RBMS3: variants seen among roughly 807,000 people sequenced by gnomAD.
The protein encoded by RBMS3 is RNA binding motif single stranded interacting protein 3, also known as RNA-binding motif, single-stranded-interacting protein 3.
RBMS3 carries 27 observed loss-of-function variants against 66.8 expected under a neutral mutation model. The ratio of observed to expected loss-of-function variants is 0.40; its 90% CI spans 0.30 to 0.56. The LOEUF (loss-of-function observed/expected upper bound fraction) is 0.56, where lower values mean the gene tolerates loss of function less well. Among genes scored for constraint, RBMS3 ranks in the 20% least tolerant of loss-of-function variants. The pLI, the probability that RBMS3 is intolerant of heterozygous loss-of-function variation, is 0.40. For synonymous variants in RBMS3, 188 were observed against 183.0 expected, an observed-to-expected ratio of 1.03 and a Z score of -0.22; for missense variants, 513 against 549.5, an observed-to-expected ratio of 0.93 and a Z score of 0.66.
chr3:29,477,918 ACGATGCCTG>A (rs2043006725), intron 2 of RBMS3, among the ~76,000 whole-genome samples: 1 of 152,088 alleles, frequency 6.6e-6, no homozygotes, highest in African/African-American at 2.4e-5. Flanking sequence ...GGAATGCACC[ACGATGCCTG>A]GTTAAGTTTT....
intron 4 of RBMS3, among the ~76,000 whole-genome samples, chr3:29,656,924 T>G (rs972528088): frequency 1.7e-4 from 26 of 152,242 alleles, no homozygotes; most frequent in African/African-American, 6.3e-4. Context: ...TTTCATATAA[T>G]GATTCAGGAA....
chr3:29,817,126 C>T (rs889168903), intron 6 of RBMS3, among the ~76,000 whole-genome samples: 1 of 151,570 alleles, frequency 6.6e-6, no homozygotes, highest in African/African-American at 2.4e-5. Flanking sequence ...ATATAAAATG[C>T]CTCTAATTAG....
intron 6 of RBMS3, among the ~76,000 whole-genome samples, chr3:29,813,994 CT>C (rs994554699): frequency 1.9e-4 from 29 of 152,040 alleles, no homozygotes; most frequent in African/African-American, 6.8e-4. Flanking sequence ...CCTAATTGCC[CT>C]GGCCAGAACT....
chr3:29,796,712 C>CTT (rs71295051), intron 6 of RBMS3, among the ~76,000 whole-genome samples: 1,407 of 115,250 alleles, frequency 0.012, 83 homozygotes, highest in African/African-American at 0.045. Flanking sequence ...TGAAAGGAAT[C>CTT]TTTTTTTTTT....
intron 14 of RBMS3, among the ~76,000 whole-genome samples, chr3:29,997,767 T>C (rs1010964312): frequency 4.6e-5 from 7 of 151,874 alleles, no homozygotes; most frequent in Admixed American, 1.3e-4. Flanking sequence ...TGGGACGTAT[T>C]TCAAAATAAT....
At chr3:29,476,152 G>T (rs1169781000) in intron 2 of RBMS3, among the ~76,000 whole-genome samples, 1 of 152,170 alleles carries the variant, frequency 6.6e-6, no homozygotes, top group African/African-American at 2.4e-5. Flanking sequence ...TACTTCACTT[G>T]AGACAGCACT....
intron 1 of RBMS3, among the ~76,000 whole-genome samples, chr3:29,322,344 T>C (rs1331954537): frequency 6.6e-6 from 1 of 152,114 alleles, no homozygotes; most frequent in African/African-American, 2.4e-5. Context: ...ATCCGGAGTT[T>C]GTGTTTATTT....
At chr3:29,392,259 A>G (rs904937405) in intron 1 of RBMS3, among the ~76,000 whole-genome samples, 4 of 152,194 alleles carry the variant, frequency 2.6e-5, no homozygotes, top group African/African-American at 9.6e-5. Flanking sequence ...AAAAAAGAAA[A>G]AGAAAACGTA....
In RBMS3 at chr3:29,944,391, G is replaced by A; in HGVS notation, c.1098+137G>A. The A allele has an allele frequency of 4.6e-6, 3 of 658,182 alleles. No homozygotes were observed. The Admixed American group carries it at 7.5e-5, about 17-fold the overall frequency. 40.8% of individuals were successfully genotyped at this position (658,182 alleles called of 1,614,324 possible). ...AATTTGAATTCCAGTTTGCAAGGGG[G>A]CATGTGTAGTTCAGAAACATAAACT... On this transcript the variant is annotated intron_variant, in intron 12 of 14. Coordinates refer to ENST00000383767, the MANE Select transcript of RBMS3 (RefSeq NM_001003793.3).
intron 4 of RBMS3, among the ~76,000 whole-genome samples, chr3:29,608,254 G>A (rs924262831): frequency 6.6e-6 from 1 of 151,816 alleles, no homozygotes; most frequent in Non-Finnish European, 1.5e-5. Context: ...TTTTTTTAAA[G>A]CAGCATTAAC....
intron 10 of RBMS3, among the ~76,000 whole-genome samples, chr3:29,919,777 A>G (rs2060722817): frequency 6.6e-6 from 1 of 152,204 alleles, no homozygotes; most frequent in South Asian, 2.1e-4. Flanking sequence ...CTGGCTGCAT[A>G]ATGCTGTCAC....
intron 1 of RBMS3, among the ~76,000 whole-genome samples, chr3:29,371,361 TAGTGTTGAAAAAGCA>T (rs1559525863): frequency 6.6e-6 from 1 of 152,218 alleles, no homozygotes. Flanking sequence ...GGGAAATTCC[TAGTGTTGAAAAAGCA>T]AAAACATGTA....
intron 6 of RBMS3, among the ~76,000 whole-genome samples, chr3:29,865,193 C>T (rs1300220184): frequency 6.6e-6 from 1 of 151,960 alleles, no homozygotes; most frequent in African/African-American, 2.4e-5. Flanking sequence ...ACCCAGGAAG[C>T]TGGCACCCTT....
At chr3:29,282,593 G>C (rs1380292893) in intron 1 of RBMS3, among the ~76,000 whole-genome samples, 3 of 152,114 alleles carry the variant, frequency 2.0e-5, no homozygotes, top group African/African-American at 7.2e-5. Context: ...AAGACTCTCA[G>C]GTGTGAAATC....
chr3:29,779,869 T>A lies in RBMS3; in HGVS notation c.637+16880T>A, dbSNP rs1440155328. On this transcript the variant is annotated intron_variant, in intron 6 of 14. Coordinates refer to ENST00000383767, the MANE Select transcript of RBMS3 (RefSeq NM_001003793.3). ...TTGTAGACATTTGAGTAAGCTTTTT[T>A]TTTTAATTCAATAAACAAATATCTT... 3.3e-5 allele frequency among the ~76,000 whole-genome samples: 5 copies of A among 151,062 alleles called. No individual in the cohort carries two copies. The East Asian group carries it at 9.7e-4, about 29-fold the overall frequency.
At chr3:29,626,786 C>A (rs1413214040) in intron 4 of RBMS3, among the ~76,000 whole-genome samples, 1 of 151,910 alleles carries the variant, frequency 6.6e-6, no homozygotes, top group East Asian at 1.9e-4. Flanking sequence ...GATTCAGGGC[C>A]CTGAAACAAG....
At chr3:29,466,092 T>C (rs2042532914) in intron 2 of RBMS3, among the ~76,000 whole-genome samples, 1 of 152,172 alleles carries the variant, frequency 6.6e-6, no homozygotes, top group East Asian at 1.9e-4. Context: ...AAATTCAATA[T>C]GAATGCCTTG....
intron 2 of RBMS3, among the ~76,000 whole-genome samples, chr3:29,461,920 A>ATTTTTTTTTTTTTTTTTTTTT (rs61115023): frequency 1.1e-5 from 1 of 93,298 alleles, no homozygotes; most frequent in African/African-American, 4.1e-5. Flanking sequence ...TGCCCGGCTA[A>ATTTTTTTTTTTTTTTTTTTTT]TTTTTTTTTT....
chr3:29,675,749 A>G (rs185485000), intron 4 of RBMS3, among the ~76,000 whole-genome samples: 1 of 152,348 alleles, frequency 6.6e-6, no homozygotes, highest in Non-Finnish European at 1.5e-5. Context: ...TACCAGTTAG[A>G]ATGACAATCA....
Sources: allele counts gnomAD v4.1 joint callset (sites outside exome capture counted in the v4.1 genomes callset), GRCh38; gene constraint gnomAD v4.1.1; transcripts MANE v1.5; gene names NCBI Gene and HGNC (gene_info 2026-07-23, HGNC 2026-07-21).